Variants in TRIM44 observed in about 807,000 individuals in gnomAD.
The protein encoded by TRIM44 is tripartite motif-containing protein 44.
TRIM44 carries 13 observed loss-of-function variants against 37.4 expected under a neutral mutation model. That is an observed-to-expected ratio of 0.35 (90% CI 0.23 to 0.55). The LOEUF (loss-of-function observed/expected upper bound fraction) is 0.55, where lower values mean the gene tolerates loss of function less well. Among genes scored for constraint, TRIM44 ranks in the 20% least tolerant of loss-of-function variants. The pLI is 0.89. For missense variants in TRIM44, 426 were observed against 437.2 expected, an observed-to-expected ratio of 0.97 and a Z score of 0.23; for synonymous variants, 175 against 157.2, an observed-to-expected ratio of 1.11 and a Z score of -0.85.
chr11:35,729,630 G>A (rs1435688726), intron 3 of TRIM44, among the ~76,000 whole-genome samples: 15 of 152,186 alleles, frequency 9.9e-5, no homozygotes, highest in Admixed American at 9.8e-4. Context: ...AACTAGCTCT[G>A]TGGAGAATGT....
intron 4 of TRIM44, among the ~76,000 whole-genome samples, chr11:35,767,018 T>C (rs2970330): frequency 6.6e-6 from 1 of 152,066 alleles, no homozygotes; most frequent in African/African-American, 2.4e-5. Flanking sequence ...CCAAGTCAAG[T>C]CATGGTTTTA....
chr11:35,723,905 A>G (rs945466383), intron 2 of TRIM44, among the ~76,000 whole-genome samples: 12 of 152,228 alleles, frequency 7.9e-5, no homozygotes, highest in Admixed American at 4.6e-4. Flanking sequence ...CCATTGATCA[A>G]TGATCACTGT....
chr11:35,720,759 T>C (rs1169575859), intron 2 of TRIM44, among the ~76,000 whole-genome samples: 1 of 152,094 alleles, frequency 6.6e-6, no homozygotes, highest in East Asian at 1.9e-4. Flanking sequence ...AAATGAGTGT[T>C]GAGTTTTGTC....
chr11:35,667,370 A>G (rs1318632508), intron 1 of TRIM44, among the ~76,000 whole-genome samples: 1 of 152,178 alleles, frequency 6.6e-6, no homozygotes, highest in East Asian at 1.9e-4. Context: ...GCTGTTGGTA[A>G]CTACTTGTTT....
chr11:35,684,430 C>A (rs1024659128), intron 1 of TRIM44, among the ~76,000 whole-genome samples: 7 of 152,134 alleles, frequency 4.6e-5, no homozygotes, highest in African/African-American at 1.2e-4. Context: ...CTGTGCTATT[C>A]TAAATCATTA....
intron 4 of TRIM44, among the ~76,000 whole-genome samples, chr11:35,736,185 G>T (rs970628280): frequency 2.0e-5 from 3 of 152,156 alleles, no homozygotes; most frequent in Non-Finnish European, 4.4e-5. Context: ...GGTTGTTAAG[G>T]CTGGGAAGTA....
At chr11:35,703,955 C>G (rs1851836061) in intron 2 of TRIM44, among the ~76,000 whole-genome samples, 1 of 152,146 alleles carries the variant, frequency 6.6e-6, no homozygotes, top group African/African-American at 2.4e-5. Flanking sequence ...GACGATCAAA[C>G]TACTCCGAGC....
intron 2 of TRIM44, among the ~76,000 whole-genome samples, chr11:35,721,274 T>G (rs1852103227): frequency 6.6e-6 from 1 of 152,220 alleles, no homozygotes; most frequent in Admixed American, 6.5e-5. Flanking sequence ...AAGCCACATT[T>G]CTTTTAAAAA....
In TRIM44 at chr11:35,815,176, A is replaced by G. The variant is rs1817687996; in HGVS notation, c.*8791A>G. The G allele has an allele frequency of 6.6e-6, 1 of 152,162 alleles. No individual in the cohort carries two copies. The highest frequency in any genetic ancestry group is 1.5e-5 in the Non-Finnish European group (1 of 68,026). The allele number at this position is 152,162 out of a possible 1,614,324, so 9.4% of individuals were successfully genotyped here. A position where few individuals can be genotyped will look rare whatever the true frequency, so the allele number is the denominator to read the frequency against. ...TAGCTACTTTCCCTGGCTCTTAAAAACATTTGAGTCCAAGTATGGTTCTCT... is the reference window on the plus strand; with the variant it reads ...TAGCTACTTTCCCTGGCTCTTAAAAGCATTTGAGTCCAAGTATGGTTCTCT... On this transcript the variant is annotated 3_prime_UTR_variant, in exon 5 of 5. Coordinates refer to ENST00000299413, the MANE Select transcript of TRIM44 (RefSeq NM_017583.6).
At chr11:35,788,477 T>C (rs1446208539) in intron 4 of TRIM44, among the ~76,000 whole-genome samples, 1 of 152,178 alleles carries the variant, frequency 6.6e-6, no homozygotes, top group Non-Finnish European at 1.5e-5. Flanking sequence ...TATGGCGTTA[T>C]ATCAGATTCA....
At position 35,737,491 on chromosome 11, in the gene TRIM44, G is replaced by T. The variant is rs548752432; in HGVS notation, c.1007+2046G>T. Among the ~76,000 whole-genome samples, 9 of 152,184 alleles carry T rather than the reference G, an allele frequency of 5.9e-5. No individual in the cohort carries two copies. In the East Asian group the frequency reaches 1.7e-3, roughly 29 times the overall value. On this transcript the variant is annotated intron_variant, in intron 4 of 4. Coordinates refer to ENST00000299413, the MANE Select transcript of TRIM44 (RefSeq NM_017583.6). ...GAACCCAGGAGTTCAAGAGCAGCCT[G>T]GGCAACATTATAAGACTCTGTCTCT...
chr11:35,784,601 T>C (rs559010749), intron 4 of TRIM44, among the ~76,000 whole-genome samples: 19 of 152,352 alleles, frequency 1.2e-4, no homozygotes, highest in African/African-American at 4.3e-4. Context: ...TGGGTGTGTA[T>C]TTATGTATGT....
At chr11:35,714,769 T>C (rs117005894) in intron 2 of TRIM44, among the ~76,000 whole-genome samples, 170 of 152,266 alleles carry the variant, frequency 1.1e-3, no homozygotes, top group Non-Finnish European at 1.7e-3. Context: ...ACTTTCAGTG[T>C]CACTTTCCAC....
At chr11:35,718,081 T>A (rs1852059325) in intron 2 of TRIM44, among the ~76,000 whole-genome samples, 1 of 152,186 alleles carries the variant, frequency 6.6e-6, no homozygotes, top group Non-Finnish European at 1.5e-5. Flanking sequence ...TTGACAATGC[T>A]CCTTAGCTGT....
intron 1 of TRIM44, among the ~76,000 whole-genome samples, chr11:35,677,105 C>T (rs1851467349): frequency 6.6e-6 from 1 of 151,984 alleles, no homozygotes; most frequent in Admixed American, 6.5e-5. Context: ...TTATGTTTTC[C>T]ATTTTATGTA....
intron 3 of TRIM44, 52 bp downstream of exon 3, chr11:35,726,215 A>T (rs1435907208): frequency 6.3e-7 from 1 of 1,599,150 alleles, no homozygotes; most frequent in South Asian, 1.1e-5. Context: ...GAGGAAACTG[A>T]TGCCATATTT....
At chr11:35,717,207 G>GAGT (rs1408315104) in intron 2 of TRIM44, among the ~76,000 whole-genome samples, 10 of 152,198 alleles carry the variant, frequency 6.6e-5, no homozygotes, top group African/African-American at 2.4e-4. Context: ...TGTTAAGGCA[G>GAGT]AGTGTAGAGT....
rs1851286102 is a variant in TRIM44, at chr11:35,662,942, C to A, written c.-170C>A. 3.4e-6 allele frequency: 4 copies of A among 1,184,966 alleles called. No homozygotes were observed. The highest frequency in any genetic ancestry group is 4.4e-6 in the Non-Finnish European group (4 of 907,242). 73.4% of individuals were successfully genotyped at this position (1,184,966 alleles called of 1,614,324 possible). A position where few individuals can be genotyped will look rare whatever the true frequency, so the allele number is the denominator to read the frequency against. The stretch of plus-strand genomic sequence containing the variant: ...GGCGGAAAGGGTCTTTGCTGCTGCG[C>A]CCGGGCAGGGGCTGCCGCGGCCCCA... On this transcript the variant is annotated 5_prime_UTR_variant, in exon 1 of 5. Transcript: ENST00000299413.
At chr11:35,798,236 A>G (rs1373939125) in intron 4 of TRIM44, among the ~76,000 whole-genome samples, 1 of 152,204 alleles carries the variant, frequency 6.6e-6, no homozygotes, top group African/African-American at 2.4e-5. Context: ...CATTTGTCTC[A>G]CGTGAGCAGA....
Sources: allele counts gnomAD v4.1 joint callset (sites outside exome capture counted in the v4.1 genomes callset), GRCh38; gene constraint gnomAD v4.1.1; transcripts MANE v1.5; gene names NCBI Gene and HGNC (gene_info 2026-07-23, HGNC 2026-07-21).